The following STAT1 variants were observed in gnomAD, a reference collection of about 807,000 sequenced individuals.
The protein encoded by STAT1 is signal transducer and activator of transcription 1.
In STAT1, 24 loss-of-function variants were observed where a neutral mutation model predicts 111.7. That is an observed-to-expected ratio of 0.21 (90% CI 0.16 to 0.30). The LOEUF (loss-of-function observed/expected upper bound fraction) is 0.30, where lower values mean the gene tolerates loss of function less well. Ranked by LOEUF, STAT1 falls within the 10% of genes least tolerant of loss-of-function variation. STAT1 has a pLI of 1.00. For missense variants in STAT1, 351 were observed against 911.9 expected, an observed-to-expected ratio of 0.38 and a Z score of 7.92; for synonymous variants, 332 against 326.5, an observed-to-expected ratio of 1.02 and a Z score of -0.18.
Position 190,995,324 on chromosome 2 carries a change from G to A in STAT1, c.786-105C>T, listed in dbSNP as rs1693766255. The A allele has an allele frequency of 1.9e-5, 22 of 1,145,002 alleles. No homozygotes were observed. Among genetic ancestry groups the A allele is most frequent in the Non-Finnish European group, 2.6e-5 (20 of 764,450 alleles). 70.9% of individuals were successfully genotyped at this position (1,145,002 alleles called of 1,614,324 possible). ...AGTCCATTCTCATGCTGCTAATAAAGACATACTCGAGACTGGAGAATTTAT... is the reference window on the plus strand; with the variant it reads ...AGTCCATTCTCATGCTGCTAATAAAAACATACTCGAGACTGGAGAATTTAT... On this transcript the variant is annotated intron_variant, in intron 9 of 24. Transcript: ENST00000361099. The surrounding 1 kb of genome is among the most constrained non-coding windows in gnomAD (Gnocchi z 4.2).
Position 190,980,681 on chromosome 2 carries a change from A to T in STAT1, c.1583-12T>A. On this transcript the variant is annotated splice_polypyrimidine_tract_variant and intron_variant, in intron 18 of 24. Transcript: ENST00000361099. This position sits in a 1 kb window ranked among gnomAD's most constrained non-coding sequence, Gnocchi z 6.1. ...GCTGGCGTTAGGACCTAAACAAATA[A>T]AAACCAGATTTTTCAGCAAACAGAA... The T allele has an allele frequency of 6.2e-7, 1 of 1,614,108 alleles. No homozygotes were observed. The highest frequency in any genetic ancestry group is 8.5e-7 in the Non-Finnish European group (1 of 1,179,978).
rs144219644 is a variant in STAT1, at chr2:190,984,067, T to TAA, written c.1347+241_1347+242dup. On this transcript the variant is annotated intron_variant, in intron 16 of 24. Transcript: ENST00000361099. This position sits in a 1 kb window ranked among gnomAD's most constrained non-coding sequence, Gnocchi z 5.2. ...AATAAATAAGTCCCAATGCTTAATG[T>TAA]AAAAAAAAAAAATTAACATCAGCGA... Among the ~76,000 whole-genome samples, 16 of 148,666 alleles carry TAA rather than the reference T, an allele frequency of 1.1e-4. No individual in the cohort carries two copies. In the South Asian group the frequency reaches 1.7e-3, roughly 16 times the overall value.
At chr2:191,008,405 C>T (rs1273981254) in intron 4 of STAT1, among the ~76,000 whole-genome samples, 1 of 152,162 alleles carries the variant, frequency 6.6e-6, no homozygotes, top group Non-Finnish European at 1.5e-5. Flanking sequence ...TGAAGAACCC[C>T]TAAAACTCTA....
Position 190,975,002 on chromosome 2 carries a change from A to C in STAT1, c.2136-70T>G. 1 of 1,131,078 alleles carries C rather than the reference A, an allele frequency of 8.8e-7. No individual in the cohort carries two copies. The highest frequency in any genetic ancestry group is 1.3e-6 in the Non-Finnish European group (1 of 750,950). 70.1% of individuals were successfully genotyped at this position (1,131,078 alleles called of 1,614,324 possible). A position where few individuals can be genotyped will look rare whatever the true frequency, so the allele number is the denominator to read the frequency against. ...TGAAAGCACTAGTGCATACTTACAC[A>C]CTTTATCTTTTGTCTGTAATTGAAT... On this transcript the variant is annotated intron_variant, in intron 23 of 24. Coordinates refer to ENST00000361099, the MANE Select transcript of STAT1 (RefSeq NM_007315.4). This position sits in a 1 kb window ranked among gnomAD's most constrained non-coding sequence, Gnocchi z 5.9.
rs1288525683 is a variant in STAT1 at position 190,969,873 on chromosome 2, T to C, written c.*830A>G. The C allele has an allele frequency of 6.6e-6, 1 of 152,234 alleles. No homozygotes were observed. The highest frequency in any genetic ancestry group is 2.4e-5 in the African/African-American group (1 of 41,472). The allele number at this position is 152,234 out of a possible 1,614,324, so 9.4% of individuals were successfully genotyped here. A position where few individuals can be genotyped will look rare whatever the true frequency, so the allele number is the denominator to read the frequency against. ...CTACATCTATGGTTAATTTCAACTT[T>C]TGAATGAGTGGTTGTGAATAGCCTA... On this transcript the variant is annotated 3_prime_UTR_variant, in exon 25 of 25. Transcript: ENST00000361099.
In STAT1 at chr2:190,969,412, A is replaced by G. The variant is rs981856342; in HGVS notation, c.*1291T>C. On this transcript the variant is annotated 3_prime_UTR_variant, in exon 25 of 25. Transcript: ENST00000361099. ...ATTTGCATGATAATATAGTTGTGGT[A>G]GCAGTAGTGGAAAAACAAGATACAG... 2 of 152,212 alleles carry G rather than the reference A, an allele frequency of 1.3e-5. No homozygotes were observed. Among genetic ancestry groups the G allele is most frequent in the Admixed American group, 6.5e-5 (1 of 15,286 alleles). 9.4% of individuals were successfully genotyped at this position (152,212 alleles called of 1,614,324 possible). A position where few individuals can be genotyped will look rare whatever the true frequency, so the allele number is the denominator to read the frequency against.
Position 190,979,708 on chromosome 2 carries a change from G to T in STAT1, c.1727+64C>A. ...TAGTCAAATACTGAAGCTGGACTCAGGCCTTGTCTCAACCTCGCAGCACTA... is the reference window on the plus strand; with the variant it reads ...TAGTCAAATACTGAAGCTGGACTCATGCCTTGTCTCAACCTCGCAGCACTA... On this transcript the variant is annotated intron_variant, in intron 20 of 24. Coordinates refer to ENST00000361099, the MANE Select transcript of STAT1 (RefSeq NM_007315.4). The surrounding 1 kb of genome is among the most constrained non-coding windows in gnomAD (Gnocchi z 5.8). 1 of 1,306,016 alleles carries T rather than the reference G, an allele frequency of 7.7e-7. No homozygotes were observed. The allele number at this position is 1,306,016 out of a possible 1,614,324, so 80.9% of individuals were successfully genotyped here.
chr2:190,984,011 A>C lies in STAT1; in HGVS notation c.1348-271T>G, dbSNP rs1348386165. The stretch of plus-strand genomic sequence containing the variant: ...GAGAAGATGAAAACTGTCACAATGA[A>C]AACATAAAATGTGGGGGGAGGGCAG... On this transcript the variant is annotated intron_variant, in intron 16 of 24. Transcript: ENST00000361099. This position sits in a 1 kb window ranked among gnomAD's most constrained non-coding sequence, Gnocchi z 5.2. 1.3e-5 allele frequency among the ~76,000 whole-genome samples: 2 copies of C among 152,202 alleles called. No homozygotes were observed. Among genetic ancestry groups the C allele is most frequent in the Non-Finnish European group, 2.9e-5 (2 of 68,032 alleles).
Position 190,982,590 on chromosome 2 carries a change from T to C in STAT1, c.1447-72A>G. On this transcript the variant is annotated intron_variant, in intron 17 of 24. Transcript: ENST00000361099. This position sits in a 1 kb window ranked among gnomAD's most constrained non-coding sequence, Gnocchi z 7.3. ...GTCACAAGTGTGGCACTAAAACATA[T>C]GTCCATCCCAAAGTTCAATTCTAGT... is the stretch of plus-strand genomic sequence containing the variant. The C allele has an allele frequency of 5.8e-6, 9 of 1,547,778 alleles. No homozygotes were observed. Among genetic ancestry groups the C allele is most frequent in the Admixed American group, 1.7e-5 (1 of 59,766 alleles).
At chr2:190,991,422 T>C (rs1693330463) in intron 10 of STAT1, 102 bp from the exon 11 acceptor site, 2 of 1,045,936 alleles carry the variant, frequency 1.9e-6, no homozygotes, top group South Asian at 1.3e-5. Flanking sequence ...GAGAGTACGA[T>C]CTAAAAAATC....
At position 190,975,960 on chromosome 2, in the gene STAT1, G is replaced by T; in HGVS notation, c.2060-73C>A. 7.6e-7 allele frequency: 1 copy of T among 1,318,428 alleles called. No homozygotes were observed. 81.7% of individuals were successfully genotyped at this position (1,318,428 alleles called of 1,614,324 possible). Reference sequence around the variant, plus strand: ...CAGAATACAACATCAACTTTTCGGGGGGATTAAAGTTCTACTGTGTTTCTA... The same window carrying T: ...CAGAATACAACATCAACTTTTCGGGTGGATTAAAGTTCTACTGTGTTTCTA... On this transcript the variant is annotated intron_variant, in intron 22 of 24. Transcript: ENST00000361099. The surrounding 1 kb of genome is among the most constrained non-coding windows in gnomAD (Gnocchi z 5.9).
intron 10 of STAT1, 143 bp from the exon 11 acceptor site, chr2:190,991,463 A>C: frequency 1.3e-6 from 1 of 789,794 alleles, no homozygotes; most frequent in East Asian, 2.7e-5. Context: ...TTGGATGAAC[A>C]AAGTGATATT....
Position 191,012,108 on chromosome 2 carries a change from G to A in STAT1, c.-2+1417C>T, listed in dbSNP as rs567625265. 6.6e-6 allele frequency among the ~76,000 whole-genome samples: 1 copy of A among 151,666 alleles called. No individual in the cohort carries two copies. The highest frequency in any genetic ancestry group is 2.1e-4 in the South Asian group (1 of 4,734). On this transcript the variant is annotated intron_variant, in intron 2 of 24. Coordinates refer to ENST00000361099, the MANE Select transcript of STAT1 (RefSeq NM_007315.4). The surrounding 1 kb of genome is among the most constrained non-coding windows in gnomAD (Gnocchi z 4.0). ...CATATGTAGCACCTGGCACAGAAGA[G>A]GTGAATTAATAAGCTCATGTTTGGG...
chr2:190,975,989 A>G lies in STAT1; in HGVS notation c.2060-102T>C. The G allele has an allele frequency of 9.5e-7, 1 of 1,052,460 alleles. No individual in the cohort carries two copies. Among genetic ancestry groups the G allele is most frequent in the Non-Finnish European group, 1.5e-6 (1 of 689,608 alleles). The allele number at this position is 1,052,460 out of a possible 1,614,324, so 65.2% of individuals were successfully genotyped here. ...TTAAAGTTCTACTGTGTTTCTAGACAGCTTAGCCTCCTAAAACTTTAAGGA... is the reference window on the plus strand; with the variant it reads ...TTAAAGTTCTACTGTGTTTCTAGACGGCTTAGCCTCCTAAAACTTTAAGGA... On this transcript the variant is annotated intron_variant, in intron 22 of 24. Coordinates refer to ENST00000361099, the MANE Select transcript of STAT1 (RefSeq NM_007315.4). The surrounding 1 kb of genome is among the most constrained non-coding windows in gnomAD (Gnocchi z 5.9).
At chr2:191,010,491 G>T in intron 2 of STAT1, 1 of 338,658 alleles carries the variant, frequency 3.0e-6, no homozygotes, top group Non-Finnish European at 6.1e-6. Context: ...CAATAAATAT[G>T]CCTTTAAAAT....
At position 190,999,510 on chromosome 2, in the gene STAT1, G is replaced by A. The variant is rs921567502; in HGVS notation, c.541+116C>T. The A allele has an allele frequency of 1.0e-5, 8 of 771,106 alleles. No homozygotes were observed. The Admixed American group carries it at 1.4e-4, about 13-fold the overall frequency. The allele number at this position is 771,106 out of a possible 1,614,324, so 47.8% of individuals were successfully genotyped here. On this transcript the variant is annotated intron_variant, in intron 7 of 24. Coordinates refer to ENST00000361099, the MANE Select transcript of STAT1 (RefSeq NM_007315.4). The surrounding 1 kb of genome is among the most constrained non-coding windows in gnomAD (Gnocchi z 4.1). ...AGAAGCCCTGGCCTGGGTTATCAAG[G>A]AAGAATTCAGAGTCATAAAATACTC... is the stretch of plus-strand genomic sequence containing the variant.
At position 190,970,488 on chromosome 2, in the gene STAT1, T is replaced by C. The variant is rs1237627664; in HGVS notation, c.*215A>G. On this transcript the variant is annotated 3_prime_UTR_variant, in exon 25 of 25. Transcript: ENST00000361099. This position sits in a 1 kb window ranked among gnomAD's most constrained non-coding sequence, Gnocchi z 5.4. ...AAACCCACTCTTCAGAGAATGCCTT[T>C]CAATTTTACCTTCAGTAAGATGCAT... 2 of 625,200 alleles carry C rather than the reference T, an allele frequency of 3.2e-6. No individual in the cohort carries two copies. Among genetic ancestry groups the C allele is most frequent in the African/African-American group, 3.6e-5 (2 of 54,796 alleles). The allele number at this position is 625,200 out of a possible 1,614,324, so 38.7% of individuals were successfully genotyped here.
Position 190,978,723 on chromosome 2 carries a change from G to C in STAT1, c.1873+133C>G. ...GGTGGTTTATTAAATCCTATCGGGG[G>C]CTCATTTGGGGTAAGTATAAGATCT... On this transcript the variant is annotated intron_variant, in intron 21 of 24. Coordinates refer to ENST00000361099, the MANE Select transcript of STAT1 (RefSeq NM_007315.4). This position sits in a 1 kb window ranked among gnomAD's most constrained non-coding sequence, Gnocchi z 6.1. 1 of 1,117,786 alleles carries C rather than the reference G, an allele frequency of 8.9e-7. No individual in the cohort carries two copies. Among genetic ancestry groups the C allele is most frequent in the South Asian group, 1.3e-5 (1 of 74,682 alleles). 69.2% of individuals were successfully genotyped at this position (1,117,786 alleles called of 1,614,324 possible).
Position 190,993,530 on chromosome 2 carries a change from T to C in STAT1, c.944+1531A>G, listed in dbSNP as rs879016000. The C allele has an allele frequency of 1.1e-5, 8 of 701,972 alleles. No individual in the cohort carries two copies. In the East Asian group the frequency reaches 1.2e-4, roughly 10 times the overall value. The allele number at this position is 701,972 out of a possible 1,614,324, so 43.5% of individuals were successfully genotyped here. On this transcript the variant is annotated intron_variant, in intron 10 of 24. Transcript: ENST00000361099. This position sits in a 1 kb window ranked among gnomAD's most constrained non-coding sequence, Gnocchi z 4.1. ...CCCCAGAGTCGCCAATCAGAAGTAA[T>C]TTGAATAAATAATCAATTTGGGATT...
Sources: gnomAD v4.1 joint callset for allele counts (sites outside exome capture counted in the v4.1 genomes callset) on GRCh38, gnomAD v4.1.1 for gene constraint, Gnocchi (gnomAD v3.1) non-coding constraint, MANE v1.5 for transcripts, NCBI Gene and HGNC (gene_info 2026-07-23, HGNC 2026-07-21) for gene names.